The following DZANK1 variants were observed in gnomAD, a reference collection of about 807,000 sequenced individuals.
DZANK1 encodes double zinc ribbon and ankyrin repeat-containing protein 1.
DZANK1 carries 91 observed loss-of-function variants against 94.5 expected under a neutral mutation model. The ratio of observed to expected loss-of-function variants is 0.96; its 90% confidence interval spans 0.81 to 1.15. DZANK1 has a LOEUF of 1.15. DZANK1 is among the 50% of genes most tolerant of loss of function. DZANK1 has a pLI of 0.00. For synonymous variants in DZANK1, 312 were observed against 325.3 expected, an observed-to-expected ratio of 0.96 and a Z score of 0.44; for missense variants, 903 against 916.4, an observed-to-expected ratio of 0.99 and a Z score of 0.19.
intron 10 of DZANK1, among the ~76,000 whole-genome samples, chr20:18,415,876 T>C (rs1184964170): frequency 6.6e-6 from 1 of 152,230 alleles, no homozygotes. Context: ...TCATTTCCCA[T>C]TCTTGACACA....
At chr20:18,392,425 A>G (rs2424185) in intron 17 of DZANK1, among the ~76,000 whole-genome samples, 151,818 of 152,358 alleles carry the variant, frequency 1, 75,640 homozygotes, top group East Asian at 1. Context: ...CAAGCTGGGC[A>G]GCTAGTGCAC....
chr20:18,462,526 CAA>C (rs941570799), intron 2 of DZANK1, among the ~76,000 whole-genome samples: 1 of 152,070 alleles, frequency 6.6e-6, no homozygotes, highest in South Asian at 2.1e-4. Flanking sequence ...CACTAATCAT[CAA>C]AGAGATGCAA....
At chr20:18,418,471 TC>T (rs933629463) in intron 10 of DZANK1, among the ~76,000 whole-genome samples, 10 of 152,348 alleles carry the variant, frequency 6.6e-5, no homozygotes, top group African/African-American at 2.2e-4. Context: ...GACCAAACTT[TC>T]TGTCCCTCCT....
At chr20:18,393,973 C>G (rs976002719) in intron 16 of DZANK1, among the ~76,000 whole-genome samples, 162 bp from the exon 17 acceptor site, 1 of 152,126 alleles carries the variant, frequency 6.6e-6, no homozygotes, top group Non-Finnish European at 1.5e-5. Flanking sequence ...TGGAGCCACT[C>G]TCCTGTCCAG....
Position 18,384,464 on chromosome 20 carries a change from T to G in DZANK1, c.2194A>C (p.Lys732Gln), listed in dbSNP as rs773900637. 7.4e-6 allele frequency: 12 copies of G among 1,611,964 alleles called. No individual in the cohort carries two copies. The African/African-American group carries it at 1.3e-4, about 18-fold the overall frequency. Residue 732 changes from lysine to glutamine, a missense_variant, in exon 21 of 21, where the codon AAG (lysine) becomes CAG (glutamine). Lys to Gln is a moderately conservative substitution (Grantham distance 53). Transcript: ENST00000262547. The stretch of plus-strand genomic sequence containing the variant: ...TGGTCCTCAAGCCCTTGGCCAAACT[T>G]GGCAGCAAAGAGTGAGGTGACAAGG...
chr20:18,456,557 T>C (rs1235521702), intron 3 of DZANK1, among the ~76,000 whole-genome samples: 4 of 152,142 alleles, frequency 2.6e-5, no homozygotes, highest in African/African-American at 4.8e-5. Context: ...AAGAATTCCC[T>C]TGTGCCTGTG....
At chr20:18,397,929 G>A (rs922417633) in intron 14 of DZANK1, among the ~76,000 whole-genome samples, 3 of 152,148 alleles carry the variant, frequency 2.0e-5, no homozygotes, top group Non-Finnish European at 4.4e-5. Context: ...GCCAAGCCCT[G>A]GAAGTCTCAT....
rs796198584 is a variant in DZANK1 at position 18,383,964 on chromosome 20, T to TA, written c.*434dup. 442 of 156,262 alleles carry TA rather than the reference T, an allele frequency of 2.8e-3. 1 individual carries two copies. The highest frequency in any genetic ancestry group is 8.5e-3 in the African/African-American group (348 of 41,170). 9.7% of individuals were successfully genotyped at this position (156,262 alleles called of 1,614,324 possible). A position where few individuals can be genotyped will look rare whatever the true frequency, so the allele number is the denominator to read the frequency against. On this transcript the variant is annotated 3_prime_UTR_variant, in exon 21 of 21. Transcript: ENST00000262547. ...TGATGGCTTATACTGTCATATGATT[T>TA]AAAAAAAAAATCTCCTGAGTTCCTC...
At chr20:18,415,589 T>G in intron 10 of DZANK1, 140 bp from the exon 11 acceptor site, 2 of 1,030,380 alleles carry the variant, frequency 1.9e-6, no homozygotes, top group Non-Finnish European at 2.5e-6. Flanking sequence ...GTTTTGTTTT[T>G]TTCCCAAAGG....
At position 18,453,219 on chromosome 20, in the gene DZANK1, A is replaced by G. The variant is rs1343750641; in HGVS notation, c.475+512T>C. On this transcript the variant is annotated intron_variant, in intron 5 of 20. Transcript: ENST00000262547. ...CCTGGGGAATCTAGGCCACTCTGAC[A>G]TAGAGAAGCAGCTTCAATGTCCAAC... Among the ~76,000 whole-genome samples, 3 of 152,172 alleles carry G rather than the reference A, an allele frequency of 2.0e-5. No homozygotes were observed. In the East Asian group the frequency reaches 5.8e-4, roughly 29 times the overall value.
At chr20:18,402,414 A>G (rs1318260727) in intron 13 of DZANK1, among the ~76,000 whole-genome samples, 1 of 152,128 alleles carries the variant, frequency 6.6e-6, no homozygotes, top group Non-Finnish European at 1.5e-5. Context: ...TAACTGGTAC[A>G]TGACCTTTCT....
At chr20:18,410,778 C>T (rs1173700895) in intron 13 of DZANK1, among the ~76,000 whole-genome samples, 1 of 152,082 alleles carries the variant, frequency 6.6e-6, no homozygotes, top group Admixed American at 6.6e-5. Flanking sequence ...AGTGTCACCC[C>T]ATCTCTACAA....
At chr20:18,393,413 G>A (rs1251198268) in intron 17 of DZANK1, among the ~76,000 whole-genome samples, 2 of 152,268 alleles carry the variant, frequency 1.3e-5, no homozygotes, top group Admixed American at 6.5e-5. Context: ...TTTGTCAAAC[G>A]ACCAGACAAC....
chr20:18,412,135 G>T (rs1600841365), intron 13 of DZANK1, among the ~76,000 whole-genome samples: 1 of 151,912 alleles, frequency 6.6e-6, no homozygotes, highest in African/African-American at 2.4e-5. Context: ...CACCACAAAT[G>T]ACTGCTTTAA....
chr20:18,389,708 A>G, exon 19 of DZANK1: 1 of 1,613,810 alleles, frequency 6.2e-7, no homozygotes, highest in Non-Finnish European at 8.5e-7. Context: ...TACGGCCCCC[A>G]CTGCTGGTCG....
At chr20:18,420,351 C>G (rs2057718216) in intron 10 of DZANK1, 1 of 170,968 alleles carries the variant, frequency 5.8e-6, no homozygotes, top group Non-Finnish European at 1.3e-5. Flanking sequence ...GGGTAGGGAG[C>G]ATCCTTGAAA....
At chr20:18,397,091 T>G (rs2056385948) in intron 14 of DZANK1, among the ~76,000 whole-genome samples, 1 of 152,194 alleles carries the variant, frequency 6.6e-6, no homozygotes, top group Admixed American at 6.5e-5. Flanking sequence ...TTTACTGTCA[T>G]AGCACAAAGC....
chr20:18,442,671 T>C (rs1249348306), intron 8 of DZANK1, among the ~76,000 whole-genome samples: 1 of 152,170 alleles, frequency 6.6e-6, no homozygotes, highest in East Asian at 1.9e-4. Context: ...ATTAGTGACT[T>C]TTTCTTAGTA....
intron 2 of DZANK1, 94 bp from the exon 3 acceptor site, chr20:18,460,400 T>C (rs1323011033): frequency 6.5e-6 from 6 of 929,548 alleles, no homozygotes; most frequent in Non-Finnish European, 9.0e-6. Context: ...AAGTGTGTGA[T>C]TTAAGATTTA....
Sources: allele counts gnomAD v4.1 joint callset (sites outside exome capture counted in the v4.1 genomes callset), GRCh38; gene constraint gnomAD v4.1.1; transcripts MANE v1.5; gene names NCBI Gene and HGNC (gene_info 2026-07-23, HGNC 2026-07-21).